SEC24C: variants seen among roughly 807,000 people sequenced by gnomAD.
The protein encoded by SEC24C is protein transport protein Sec24C.
Under a neutral mutation model 117.0 loss-of-function variants are expected in SEC24C, and 22 were observed. The observed-to-expected ratio is 0.19, with a 90% CI of 0.13 to 0.27. SEC24C has a LOEUF of 0.27. Ranked by LOEUF, SEC24C falls within the 10% of genes least tolerant of loss-of-function variation. The probability of loss-of-function intolerance (pLI) is 1.00; values close to 1 mark genes in which losing one functional copy is unlikely to be tolerated. For missense variants in SEC24C, 1,155 were observed against 1,375.1 expected, an observed-to-expected ratio of 0.84 and a Z score of 2.53; for synonymous variants, 506 against 529.4, an observed-to-expected ratio of 0.96 and a Z score of 0.61.
intron 3 of SEC24C, among the ~76,000 whole-genome samples, chr10:73,758,095 C>T (rs2082739218): frequency 6.6e-6 from 1 of 151,634 alleles, no homozygotes; most frequent in Non-Finnish European, 1.5e-5. Flanking sequence ...ATTAGCCAGG[C>T]ATGATGGTGG....
At chr10:73,764,644 C>T (rs1368747287) in intron 8 of SEC24C, among the ~76,000 whole-genome samples, 2 of 152,228 alleles carry the variant, frequency 1.3e-5, no homozygotes, top group East Asian at 3.9e-4. Context: ...CCATGTTTTC[C>T]TGACTGTCCT....
chr10:73,771,026 G>T lies in SEC24C; in HGVS notation c.3216G>T (p.Leu1072=), dbSNP rs567903676. 6.2e-7 allele frequency: 1 copy of T among 1,614,122 alleles called. No individual in the cohort carries two copies. Among genetic ancestry groups the T allele is most frequent in the Non-Finnish European group, 8.5e-7 (1 of 1,180,058 alleles). ...FKHFLVEDKS[L]SGGASYVDFL... is the part of the protein sequence containing the mutation. ...ACTTCCTGGTGGAAGACAAGAGTCTGAGTGGGGGAGCATCTTATGTGGACT... is the reference window on the plus strand; with the variant it reads ...ACTTCCTGGTGGAAGACAAGAGTCTTAGTGGGGGAGCATCTTATGTGGACT... The change falls in exon 23 of 23, where the codon CTG becomes CTT. Residue 1072 remains leucine, a synonymous_variant. Transcript: ENST00000345254.
chr10:73,763,371 G>T, intron 6 of SEC24C, 119 bp from the exon 7 acceptor site: 2 of 611,164 alleles, frequency 3.3e-6, no homozygotes. Context: ...GGTGTATGAG[G>T]TGTTCCTTGG....
chr10:73,748,635 C>T (rs898373584), intron 2 of SEC24C, among the ~76,000 whole-genome samples: 3 of 152,074 alleles, frequency 2.0e-5, no homozygotes, highest in Non-Finnish European at 4.4e-5. Flanking sequence ...TGGGGTTTCA[C>T]CATGTTGGCC....
At chr10:73,744,783 A>G (rs1490834428) in intron 1 of SEC24C, among the ~76,000 whole-genome samples, 2 of 151,932 alleles carry the variant, frequency 1.3e-5, no homozygotes, top group Non-Finnish European at 2.9e-5. Flanking sequence ...TGGCTTGACT[A>G]CTTTCAGAGT....
chr10:73,768,581 T>A (rs1469648757), intron 15 of SEC24C, among the ~76,000 whole-genome samples: 1 of 152,170 alleles, frequency 6.6e-6, no homozygotes, highest in Non-Finnish European at 1.5e-5. Context: ...TTAAAATACT[T>A]AAGTAGGATT....
rs887948045 is a variant in SEC24C, at chr10:73,765,664, A to G, written c.1366+75A>G. The G allele has an allele frequency of 3.8e-6, 6 of 1,593,234 alleles. No homozygotes were observed. In the South Asian group the frequency reaches 4.4e-5, roughly 12 times the overall value. On this transcript the variant is annotated intron_variant, in intron 9 of 22. Transcript: ENST00000345254. ...CTTGTTCTCTATTAAATAGTTAGAG[A>G]GATGAGGGTCCATCTTTCAGGAGCT... is the stretch of plus-strand genomic sequence containing the variant.
chr10:73,769,100 T>C lies in SEC24C; in HGVS notation c.2372T>C (p.Val791Ala), dbSNP rs1226712653. The change falls in exon 17 of 23, where the codon GTG (valine) becomes GCG (alanine). Residue 791 changes from valine (V) to alanine (A), a missense_variant. This residue lies in a region of SEC24C where 759 missense variants were observed against 992.3 expected (regional missense o/e 0.76). Transcript: ENST00000345254. The surrounding 1 kb of genome is among the most constrained non-coding windows in gnomAD (Gnocchi z 4.5). ...AGLDGDKTVT[V>A]EFKHDDRLNE... Reference sequence around the variant, plus strand: ...CTAGATGGGGACAAAACAGTGACTGTGGAGTTCAAGCATGACGATCGGCTC... The same window carrying C: ...CTAGATGGGGACAAAACAGTGACTGCGGAGTTCAAGCATGACGATCGGCTC... The C allele has an allele frequency of 6.2e-7, 1 of 1,613,940 alleles. No individual in the cohort carries two copies. Among genetic ancestry groups the C allele is most frequent in the East Asian group, 2.2e-5 (1 of 44,890 alleles).
rs144210286 is a variant in SEC24C at position 73,766,379 on chromosome 10, G to A, written c.1637G>A (p.Arg546His). The change falls in exon 12 of 23, where the codon CGC becomes CAC. Residue 546 changes from arginine (R) to histidine (H), a missense_variant. By Grantham distance (29) the Arg-to-His change is conservative (BLOSUM62 0). This residue lies in a region of SEC24C where 759 missense variants were observed against 992.3 expected (regional missense o/e 0.76). Coordinates refer to ENST00000345254, the MANE Select transcript of SEC24C (RefSeq NM_198597.3). Reference sequence around the variant, plus strand: ...GGTGGGGCAGAAGAGTCAGCAATCCGCGTTGGCTTTGTCACCTACAATAAG... The same window carrying A: ...GGTGGGGCAGAAGAGTCAGCAATCCACGTTGGCTTTGTCACCTACAATAAG... ...REGGAEESAIRVGFVTYNKVL... is the reference protein window; with the variant it reads ...REGGAEESAIHVGFVTYNKVL... 187 of 1,611,246 alleles carry A rather than the reference G, an allele frequency of 1.2e-4. No individual in the cohort carries two copies. Among genetic ancestry groups the A allele is most frequent in the Middle Eastern group, 5.0e-4 (3 of 6,052 alleles).
chr10:73,768,718 TG>T, intron 15 of SEC24C, 91 bp from the exon 16 acceptor site: 1 of 1,094,780 alleles, frequency 9.1e-7, no homozygotes, highest in Non-Finnish European at 1.4e-6. Flanking sequence ...GATAATTAGG[TG>T]GCCTTGTAGA....
At chr10:73,767,406 T>C (rs1170239287) in intron 14 of SEC24C, among the ~76,000 whole-genome samples, 1 of 152,212 alleles carries the variant, frequency 6.6e-6, no homozygotes, top group African/African-American at 2.4e-5. Context: ...TGATGGCTCA[T>C]GCCTGTAATC....
rs563279839 is a variant in SEC24C, at chr10:73,768,365, A to G, written c.2181+358A>G. On this transcript the variant is annotated intron_variant, in intron 15 of 22. Coordinates refer to ENST00000345254, the MANE Select transcript of SEC24C (RefSeq NM_198597.3). ...GCACTCCAGCCAGAGCGACAGAGTA[A>G]GACTCCGTCTCCAAAAAAGAAGAAA... Among the ~76,000 whole-genome samples the G allele has an allele frequency of 2.0e-5, 3 of 152,312 alleles. No homozygotes were observed. In the South Asian group the frequency reaches 6.2e-4, roughly 32 times the overall value.
In SEC24C at chr10:73,760,271, C is replaced by T. The variant is rs996430503; in HGVS notation, c.735C>T (p.Asn245=). The T allele has an allele frequency of 1.2e-6, 2 of 1,614,036 alleles. No homozygotes were observed. Among genetic ancestry groups the T allele is most frequent in the Non-Finnish European group, 8.5e-7 (1 of 1,179,998 alleles). Residue 245 remains asparagine (N), a synonymous_variant, in exon 5 of 23, where the codon AAC becomes AAT. Coordinates refer to ENST00000345254, the MANE Select transcript of SEC24C (RefSeq NM_198597.3). ...GAGGGCCCTCAGTGAGCCAGCCCAA[C>T]CATGTGTCTTCACCTCCTCAAGCTC... The part of the protein sequence containing the change: ...SFGGPSVSQP[N]HVSSPPQALP...
chr10:73,766,575 G>A (rs749403485), intron 12 of SEC24C, 34 bp downstream of exon 12: 20 of 1,580,280 alleles, frequency 1.3e-5, no homozygotes, highest in Non-Finnish European at 1.7e-5. Flanking sequence ...AAGGTTGGGG[G>A]TGGCATGGGT....
chr10:73,756,365 A>G (rs1045232983), intron 3 of SEC24C, among the ~76,000 whole-genome samples: 38 of 152,114 alleles, frequency 2.5e-4, no homozygotes, highest in African/African-American at 7.7e-4. Context: ...CAAGCTGACT[A>G]GGGGAAAAAA....
rs761336349 is a variant in SEC24C, at chr10:73,760,400, A to C, written c.850+14A>C. 1 of 1,573,432 alleles carries C rather than the reference A, an allele frequency of 6.4e-7. No homozygotes were observed. Among genetic ancestry groups the C allele is most frequent in the Middle Eastern group, 1.7e-4 (1 of 5,928 alleles). ...CCCAACAAAATGGTGAGTCTTTCCC[A>C]AGGTCTGTCTTAGAAGCTAGAGGCT... On this transcript the variant is annotated intron_variant, in intron 5 of 22. Coordinates refer to ENST00000345254, the MANE Select transcript of SEC24C (RefSeq NM_198597.3).
chr10:73,770,228 C>G (rs2082953417), intron 20 of SEC24C, 52 bp from the exon 21 acceptor site: 1 of 1,519,772 alleles, frequency 6.6e-7, no homozygotes, highest in Non-Finnish European at 8.9e-7. Context: ...TGCGGGGGGG[C>G]AGACTTGTCT....
At chr10:73,750,993 C>A in intron 2 of SEC24C, 115 bp from the exon 3 acceptor site, 2 of 1,101,508 alleles carry the variant, frequency 1.8e-6, no homozygotes, top group Non-Finnish European at 2.6e-6. Flanking sequence ...ACTGCCTAAA[C>A]TGTGGTATTG....
At chr10:73,766,645 G>A in intron 12 of SEC24C, 104 bp downstream of exon 12, 2 of 1,450,456 alleles carry the variant, frequency 1.4e-6, no homozygotes, top group East Asian at 2.3e-5. Flanking sequence ...GAAAGGGGTT[G>A]TGGCCCAGGA....
Sources: allele counts gnomAD v4.1 joint callset (sites outside exome capture counted in the v4.1 genomes callset), GRCh38; gene constraint gnomAD v4.1.1; regional missense constraint gnomAD v4.1.1; non-coding constraint Gnocchi (gnomAD v3.1); transcripts MANE v1.5; gene names NCBI Gene and HGNC (gene_info 2026-07-23, HGNC 2026-07-21).